WWOX: variants seen among roughly 807,000 people sequenced by gnomAD.
WWOX encodes the protein WW domain-containing oxidoreductase.
Under a neutral mutation model 46.2 loss-of-function variants are expected in WWOX, and 69 were observed. That is an observed-to-expected ratio of 1.49 (90% confidence interval 1.23 to 1.82). WWOX has a LOEUF of 1.82. WWOX is among the 40% of genes most tolerant of loss of function. The pLI is 0.00. For synonymous variants in WWOX, 359 were observed against 202.6 expected (o/e 1.77, Z -6.56); for missense variants, 919 against 542.6 (o/e 1.69, Z -6.89).
chr16:78,641,379 C>G (rs1392941973), intron 8 of WWOX, among the ~76,000 whole-genome samples: 2 of 152,062 alleles, frequency 1.3e-5, no homozygotes, highest in African/African-American at 4.8e-5. Flanking sequence ...TTAATTGCTG[C>G]ACTTGTAGTG....
At chr16:79,090,280 C>CGT (rs61538157) in intron 8 of WWOX, among the ~76,000 whole-genome samples, 26,137 of 138,192 alleles carry the variant, frequency 0.19, 2,777 homozygotes, top group East Asian at 0.55. Flanking sequence ...CTACTGTGTG[C>CGT]GTGTGTGTGT....
At chr16:78,805,250 C>T (rs1248474405) in intron 8 of WWOX, among the ~76,000 whole-genome samples, 2 of 152,030 alleles carry the variant, frequency 1.3e-5, no homozygotes, top group Admixed American at 6.6e-5. Context: ...TCCAAAACAG[C>T]ATATATATGT....
chr16:78,722,731 A>G (rs2048725283), intron 8 of WWOX, among the ~76,000 whole-genome samples: 1 of 148,152 alleles, frequency 6.7e-6, no homozygotes, highest in Non-Finnish European at 1.5e-5. Context: ...TCCTCTAAAT[A>G]AACAAAGGAA....
At chr16:78,667,135 C>T (rs1220622292) in intron 8 of WWOX, among the ~76,000 whole-genome samples, 1 of 152,160 alleles carries the variant, frequency 6.6e-6, no homozygotes, top group Non-Finnish European at 1.5e-5. Flanking sequence ...TTTCACTCTC[C>T]TCCTCTCCAC....
At chr16:78,212,977 G>C (rs1015203475) in intron 5 of WWOX, among the ~76,000 whole-genome samples, 1 of 152,068 alleles carries the variant, frequency 6.6e-6, no homozygotes, top group African/African-American at 2.4e-5. Flanking sequence ...TCATGGATCT[G>C]GCTGGGCCCG....
chr16:78,928,202 T>A (rs1022416633), intron 8 of WWOX, among the ~76,000 whole-genome samples: 2 of 144,982 alleles, frequency 1.4e-5, no homozygotes, highest in Admixed American at 6.7e-5. Context: ...CTACCACTTT[T>A]CTTTTTTTTT....
At chr16:78,995,092 G>A (rs1045229628) in intron 8 of WWOX, among the ~76,000 whole-genome samples, 16 of 149,920 alleles carry the variant, frequency 1.1e-4, no homozygotes, top group African/African-American at 3.7e-4. Context: ...GGAGTTCACT[G>A]TGCCCTTAGA....
intron 8 of WWOX, among the ~76,000 whole-genome samples, chr16:78,758,417 A>G (rs372303099): frequency 7.9e-5 from 12 of 152,340 alleles, no homozygotes; most frequent in African/African-American, 2.9e-4. Flanking sequence ...AAATTATTTA[A>G]TGCAGGGTCC....
At chr16:78,675,071 G>A (rs531022102) in intron 8 of WWOX, among the ~76,000 whole-genome samples, 23 of 152,292 alleles carry the variant, frequency 1.5e-4, no homozygotes, top group African/African-American at 5.3e-4. Context: ...GTACATGTGA[G>A]TCTTTGCTCT....
chr16:78,365,226 G>C (rs1330565207), intron 5 of WWOX, among the ~76,000 whole-genome samples: 1 of 152,198 alleles, frequency 6.6e-6, no homozygotes, highest in East Asian at 1.9e-4. Context: ...TGGTGGGTCT[G>C]TGTCACCTTC....
intron 5 of WWOX, among the ~76,000 whole-genome samples, chr16:78,335,389 G>C (rs2080865527): frequency 6.6e-6 from 1 of 152,144 alleles, no homozygotes; most frequent in Admixed American, 6.5e-5. Context: ...TTGGTTTTCA[G>C]TTTCTGCATA....
intron 5 of WWOX, among the ~76,000 whole-genome samples, chr16:78,198,781 A>G (rs888828614): frequency 6.6e-6 from 1 of 152,088 alleles, no homozygotes; most frequent in Non-Finnish European, 1.5e-5. Context: ...CAATATGTAA[A>G]CATTTTATAT....
intron 8 of WWOX, among the ~76,000 whole-genome samples, chr16:78,985,179 G>C (rs1567460342): frequency 6.6e-6 from 1 of 152,208 alleles, no homozygotes; most frequent in Admixed American, 6.5e-5. Context: ...ACATCGGCAT[G>C]CGATTTCTTC....
chr16:78,566,989 C>G (rs1413787226), intron 8 of WWOX, among the ~76,000 whole-genome samples: 2 of 152,166 alleles, frequency 1.3e-5, no homozygotes, highest in African/African-American at 4.8e-5. Context: ...AGCAGAAACT[C>G]ACATGTGTGT....
At chr16:78,987,848 C>A (rs949375755) in intron 8 of WWOX, among the ~76,000 whole-genome samples, 1 of 152,150 alleles carries the variant, frequency 6.6e-6, no homozygotes, top group African/African-American at 2.4e-5. Flanking sequence ...GCTGTTTAAA[C>A]AGTGAATCAG....
At chr16:78,586,786 A>G (rs959308367) in intron 8 of WWOX, among the ~76,000 whole-genome samples, 2 of 152,154 alleles carry the variant, frequency 1.3e-5, no homozygotes, top group African/African-American at 4.8e-5. Context: ...AGGTTAAGTA[A>G]TGTGCCCAGT....
intron 8 of WWOX, among the ~76,000 whole-genome samples, chr16:78,585,288 G>A (rs1281374564): frequency 6.6e-6 from 1 of 152,206 alleles, no homozygotes; most frequent in African/African-American, 2.4e-5. Flanking sequence ...GGCCTTGGCA[G>A]CAGTTCTCCC....
intron 6 of WWOX, among the ~76,000 whole-genome samples, chr16:78,418,129 G>A (rs1567560340): frequency 1.3e-5 from 2 of 152,140 alleles, no homozygotes; most frequent in Non-Finnish European, 2.9e-5. Context: ...GGGAGGCTGA[G>A]GTGGGTGGAT....
At chr16:79,120,424 C>T (rs184816401) in intron 8 of WWOX, among the ~76,000 whole-genome samples, 3 of 152,284 alleles carry the variant, frequency 2.0e-5, no homozygotes, top group Non-Finnish European at 2.9e-5. Context: ...CCACAGTACC[C>T]GAAGTTTAGG....
Sources: allele counts gnomAD v4.1 joint callset (sites outside exome capture counted in the v4.1 genomes callset), GRCh38; gene constraint gnomAD v4.1.1; transcripts MANE v1.5; gene names NCBI Gene and HGNC (gene_info 2026-07-23, HGNC 2026-07-21).